SDK1: variants seen among roughly 807,000 people sequenced by gnomAD.
The protein encoded by SDK1 is sidekick cell adhesion molecule 1, also known as protein sidekick-1.
In SDK1, 157 loss-of-function variants were observed where a neutral mutation model predicts 245.5. That is an observed-to-expected ratio of 0.64 (90% CI 0.56 to 0.73). The LOEUF (loss-of-function observed/expected upper bound fraction) is 0.73. Among genes scored for constraint, SDK1 ranks in the 30% least tolerant of loss-of-function variants. The pLI, the probability that SDK1 is intolerant of heterozygous loss-of-function variation, is 0.00. For missense variants in SDK1, 3,583 were observed against 3,002.3 expected, an observed-to-expected ratio of 1.19 and a Z score of -4.52; for synonymous variants, 1,647 against 1,278.5, an observed-to-expected ratio of 1.29 and a Z score of -6.15.
chr7:3,361,355 T>G (rs1355974908), intron 1 of SDK1, among the ~76,000 whole-genome samples: 1 of 152,234 alleles, frequency 6.6e-6, no homozygotes, highest in African/African-American at 2.4e-5. Flanking sequence ...ATAGGACCTC[T>G]GTGTTCCTTG....
At chr7:4,247,607 C>T (rs908375318) in intron 44 of SDK1, among the ~76,000 whole-genome samples, 5 of 152,252 alleles carry the variant, frequency 3.3e-5, no homozygotes, top group Non-Finnish European at 5.9e-5. Context: ...TCCCTGCTGC[C>T]GCTGCCGGGC....
At chr7:3,884,083 G>GTTT (rs529710738) in intron 5 of SDK1, among the ~76,000 whole-genome samples, 10 of 136,190 alleles carry the variant, frequency 7.3e-5, no homozygotes, top group African/African-American at 2.6e-4. Context: ...TTGTTTTTTT[G>GTTT]TTTTTTTTTT....
At position 4,113,336 on chromosome 7, in the gene SDK1, C is replaced by A. The variant is rs141090430; in HGVS notation, c.3482C>A (p.Pro1161Gln). The change falls in exon 24 of 45, where the codon CCG becomes CAG. Residue 1161 changes from proline (P) to glutamine (Q), a missense_variant. Pro to Gln is a moderately conservative substitution (Grantham distance 76). Coordinates refer to ENST00000404826, the MANE Select transcript of SDK1 (RefSeq NM_152744.4). ...ATTGTTGGGCCGAGCCCCTACAGTC[C>A]GTCTTCCCGGGTCATCCAGACCCTG... ...VNIVGPSPYS[P>Q]SSRVIQTLQA... 2 of 1,614,006 alleles carry A rather than the reference C, an allele frequency of 1.2e-6. No homozygotes were observed. Among genetic ancestry groups the A allele is most frequent in the East Asian group, 2.2e-5 (1 of 44,870 alleles).
chr7:3,727,351 C>G (rs980446444), intron 4 of SDK1, among the ~76,000 whole-genome samples: 1 of 152,174 alleles, frequency 6.6e-6, no homozygotes, highest in Admixed American at 6.5e-5. Context: ...TTCCATTGCT[C>G]TGTATTCTGG....
chr7:4,020,766 C>G (rs1786823160), intron 17 of SDK1, among the ~76,000 whole-genome samples: 1 of 152,202 alleles, frequency 6.6e-6, no homozygotes, highest in African/African-American at 2.4e-5. Flanking sequence ...TCCATATTTA[C>G]TACTAATGTG....
At chr7:4,058,723 T>G (rs1036667653) in intron 19 of SDK1, among the ~76,000 whole-genome samples, 1 of 152,126 alleles carries the variant, frequency 6.6e-6, no homozygotes, top group Non-Finnish European at 1.5e-5. Flanking sequence ...AAAAATAACT[T>G]GTTAGCCAAG....
At chr7:3,304,674 C>A (rs1779370761) in intron 1 of SDK1, among the ~76,000 whole-genome samples, 1 of 152,172 alleles carries the variant, frequency 6.6e-6, no homozygotes, top group Non-Finnish European at 1.5e-5. Context: ...CTTCCTCTTC[C>A]ATGAGCCACA....
At chr7:3,673,082 C>T (rs1205732363) in intron 4 of SDK1, among the ~76,000 whole-genome samples, 18 of 151,850 alleles carry the variant, frequency 1.2e-4, no homozygotes, top group Admixed American at 1.2e-3. Context: ...AAGATACTTC[C>T]TTGTAGCATT....
At chr7:3,569,006 GTTTTT>G (rs5881992) in intron 1 of SDK1, among the ~76,000 whole-genome samples, 3 of 143,580 alleles carry the variant, frequency 2.1e-5, no homozygotes, top group African/African-American at 7.7e-5. Context: ...TGTGGCATAT[GTTTTT>G]TTTTTTTTTC....
In SDK1 at chr7:3,539,202, A is replaced by G. The variant is rs73673604; in HGVS notation, c.299-79878A>G. Among the ~76,000 whole-genome samples, 828 of 152,270 alleles carry G rather than the reference A, an allele frequency of 5.4e-3. 5 individuals carry two copies. Among genetic ancestry groups the G allele is most frequent in the African/African-American group, 0.019 (796 of 41,550 alleles). On this transcript the variant is annotated intron_variant, in intron 1 of 44. Transcript: ENST00000404826. ...GCTGTGGGGAGATGGAGGCCAGGGG[A>G]TCTCACTTGGACCTATCAAGGAGTT...
Position 4,010,875 on chromosome 7 carries a change from A to C in SDK1, c.2132-91A>C, listed in dbSNP as rs10259544. On this transcript the variant is annotated intron_variant, in intron 14 of 44. Coordinates refer to ENST00000404826, the MANE Select transcript of SDK1 (RefSeq NM_152744.4). ...CTAGAGCTGTCCTGCTAAGCAAATG[A>C]GATGTTCCCTGAGAAAGCCTTTGCA... The C allele has an allele frequency of 0.013, 17,536 of 1,333,696 alleles. 1,057 individuals are homozygous for C. In the East Asian group the frequency reaches 0.19, roughly 14 times the overall value. 82.6% of individuals were successfully genotyped at this position (1,333,696 alleles called of 1,614,324 possible). A position where few individuals can be genotyped will look rare whatever the true frequency, so the allele number is the denominator to read the frequency against.
At chr7:3,399,235 G>A (rs1778816460) in intron 1 of SDK1, among the ~76,000 whole-genome samples, 2 of 151,732 alleles carry the variant, frequency 1.3e-5, no homozygotes, top group South Asian at 4.2e-4. Flanking sequence ...TTTGTCAGCT[G>A]TGGACTCCTT....
chr7:4,058,115 G>A (rs1315420308), intron 19 of SDK1, among the ~76,000 whole-genome samples: 3 of 151,926 alleles, frequency 2.0e-5, no homozygotes, highest in African/African-American at 7.3e-5. Flanking sequence ...ATTAAGGAAA[G>A]TCAGATAAAA....
intron 1 of SDK1, among the ~76,000 whole-genome samples, chr7:3,345,515 C>A (rs543854880): frequency 2.0e-5 from 3 of 152,166 alleles, no homozygotes; most frequent in African/African-American, 7.2e-5. Flanking sequence ...TTTGCAATGC[C>A]ATTTTATTTA....
intron 1 of SDK1, among the ~76,000 whole-genome samples, chr7:3,487,948 G>T (rs982358633): frequency 6.6e-6 from 1 of 151,974 alleles, no homozygotes; most frequent in African/African-American, 2.4e-5. Flanking sequence ...TTAAGTGTTT[G>T]TAGCATCTGT....
chr7:3,849,226 G>C (rs1307508562), intron 5 of SDK1, among the ~76,000 whole-genome samples: 2 of 152,154 alleles, frequency 1.3e-5, no homozygotes, highest in Non-Finnish European at 2.9e-5. Context: ...CATGTCTTCA[G>C]GATGCTCCAG....
At chr7:4,223,800 C>G (rs954566450) in intron 40 of SDK1, among the ~76,000 whole-genome samples, 1 of 152,122 alleles carries the variant, frequency 6.6e-6, no homozygotes, top group African/African-American at 2.4e-5. Context: ...GCTAAGAAAC[C>G]ACATAACTCA....
At chr7:3,320,876 A>G (rs1779785542) in intron 1 of SDK1, among the ~76,000 whole-genome samples, 1 of 150,002 alleles carries the variant, frequency 6.7e-6, no homozygotes, top group African/African-American at 2.5e-5. Context: ...GTATGTTGGT[A>G]CTGTAAGGAA....
chr7:4,117,443 G>C (rs1783786460), intron 25 of SDK1, among the ~76,000 whole-genome samples: 1 of 152,188 alleles, frequency 6.6e-6, no homozygotes. Context: ...ATTCCAGCCT[G>C]GCCAACGGAG....
Sources: allele counts gnomAD v4.1 joint callset (sites outside exome capture counted in the v4.1 genomes callset), GRCh38; gene constraint gnomAD v4.1.1; transcripts MANE v1.5; gene names NCBI Gene and HGNC (gene_info 2026-07-23, HGNC 2026-07-21).